The following ACCSL variants were observed in gnomAD, a reference collection of about 807,000 sequenced individuals.
The protein encoded by ACCSL is 1-aminocyclopropane-1-carboxylate synthase homolog (inactive) like, also known as probable inactive 1-aminocyclopropane-1-carboxylate synthase-like protein 2.
A neutral mutation model predicts 61.7 loss-of-function variants in ACCSL; 55 were observed. The ratio of observed to expected loss-of-function variants is 0.89; its 90% CI spans 0.72 to 1.12. ACCSL has a LOEUF of 1.12. Ranked by LOEUF, ACCSL falls within the 50% of genes most tolerant of loss-of-function variation. ACCSL has a pLI of 0.00. For missense variants in ACCSL, 632 were observed against 698.0 expected, an observed-to-expected ratio of 0.91 and a Z score of 1.07; for synonymous variants, 258 against 264.3, an observed-to-expected ratio of 0.98 and a Z score of 0.23.
chr11:43,996,816 T>G, the ACCSL span, among the ~76,000 whole-genome samples: 1 of 3,986 alleles, frequency 2.5e-4, no homozygotes. Flanking sequence ...TTTTTTCCTT[T>G]TTTTTTTTTT....
At chr11:44,029,519 T>C in the ACCSL span, among the ~76,000 whole-genome samples, 1 of 152,206 alleles carries the variant, frequency 6.6e-6, no homozygotes, top group Non-Finnish European at 1.5e-5. Flanking sequence ...ATGAATGAAG[T>C]CCTGGTCAGA....
At chr11:43,984,459 C>T in the ACCSL span, among the ~76,000 whole-genome samples, 5 of 152,148 alleles carry the variant, frequency 3.3e-5, no homozygotes, top group Non-Finnish European at 7.3e-5. Context: ...ACTATGGGAT[C>T]ACACCTCCTC....
At chr11:43,986,177 A>G in the ACCSL span, among the ~76,000 whole-genome samples, 1 of 151,546 alleles carries the variant, frequency 6.6e-6, no homozygotes, top group Non-Finnish European at 1.5e-5. Context: ...CCACCACCTA[A>G]AAGCTCTCTA....
chr11:44,010,058 C>G, the ACCSL span, among the ~76,000 whole-genome samples: 1 of 152,140 alleles, frequency 6.6e-6, no homozygotes, highest in Non-Finnish European at 1.5e-5. Context: ...CGTCACCTCT[C>G]AGCTGTGTGC....
chr11:43,990,295 T>G, the ACCSL span, among the ~76,000 whole-genome samples: 1 of 152,228 alleles, frequency 6.6e-6, no homozygotes, highest in African/African-American at 2.4e-5. Flanking sequence ...CTGGGTAATT[T>G]ATAAATCATA....
At chr11:44,048,681 G>A (rs2134764424) in intron 1 of ACCSL, 141 bp downstream of exon 1, 1 of 882,592 alleles carries the variant, frequency 1.1e-6, no homozygotes, top group Admixed American at 2.6e-5. Flanking sequence ...TTGCAGATAA[G>A]GGAATAATTA....
the ACCSL span, among the ~76,000 whole-genome samples, chr11:44,019,577 C>T: frequency 6.6e-6 from 1 of 152,034 alleles, no homozygotes; most frequent in Non-Finnish European, 1.5e-5. Flanking sequence ...CAATCATTTG[C>T]CCATTTAAAA....
the ACCSL span, chr11:43,974,102 A>G: frequency 6.6e-6 from 1 of 152,258 alleles, no homozygotes; most frequent in Non-Finnish European, 1.5e-5. Flanking sequence ...ATAAATATTT[A>G]TGAATGACTG....
chr11:44,004,352 C>T, the ACCSL span, among the ~76,000 whole-genome samples: 1 of 152,038 alleles, frequency 6.6e-6, no homozygotes, highest in African/African-American at 2.4e-5. Flanking sequence ...GCATACCGCC[C>T]TGGGGGACCA....
intron 6 of ACCSL, 90 bp downstream of exon 6, chr11:44,052,849 C>T (rs990374295): frequency 1.2e-5 from 17 of 1,476,488 alleles, no homozygotes; most frequent in Non-Finnish European, 1.5e-5. Context: ...TGCTTTCTAC[C>T]CATCTAAGTG....
the ACCSL span, among the ~76,000 whole-genome samples, chr11:44,020,294 T>TC: frequency 1.3e-5 from 2 of 152,088 alleles, no homozygotes; most frequent in Admixed American, 6.5e-5. Flanking sequence ...TTTACTCCTT[T>TC]TTTTTCCACA....
upstream of ACCSL, among the ~76,000 whole-genome samples, chr11:44,043,918 GA>G (rs1466565585): frequency 6.6e-6 from 1 of 152,066 alleles, no homozygotes; most frequent in Admixed American, 6.6e-5. Flanking sequence ...TCCTTCAACA[GA>G]AAAGCAATTA....
upstream of ACCSL, among the ~76,000 whole-genome samples, chr11:44,045,487 G>A (rs1294173193): frequency 6.6e-6 from 1 of 152,078 alleles, no homozygotes; most frequent in Non-Finnish European, 1.5e-5. Context: ...TTTTTACCAG[G>A]AAAACGCATT....
At chr11:43,969,952 A>G in the ACCSL span, among the ~76,000 whole-genome samples, 48 of 139,302 alleles carry the variant, frequency 3.4e-4, no homozygotes, top group African/African-American at 1.2e-3. Flanking sequence ...GCTCCTCTCA[A>G]ATAGGTATAG....
At chr11:44,016,642 G>A in the ACCSL span, among the ~76,000 whole-genome samples, 1 of 152,128 alleles carries the variant, frequency 6.6e-6, no homozygotes, top group Non-Finnish European at 1.5e-5. Flanking sequence ...TTGAAGGGTG[G>A]TTGGACCAAG....
chr11:44,038,137 G>A, the ACCSL span, among the ~76,000 whole-genome samples: 1 of 152,150 alleles, frequency 6.6e-6, no homozygotes, highest in East Asian at 1.9e-4. Context: ...AAGGTGGGAT[G>A]GAGGAGGGGG....
chr11:44,059,870 CAGA>C lies in ACCSL; in HGVS notation c.1660_1662del (p.Lys554del), dbSNP rs752418564. On this transcript the variant is annotated inframe_deletion, in exon 14 of 14. Transcript: ENST00000378832. ...TCGGTTCTGTGATGTGCTGCAGGAG[CAGA>C]AGGAGGCTTTGATAGTGAAGCAGTT... 1.2e-5 allele frequency: 20 copies of C among 1,613,748 alleles called. No homozygotes were observed. Among genetic ancestry groups the C allele is most frequent in the Non-Finnish European group, 1.6e-5 (19 of 1,179,862 alleles).
chr11:43,952,834 TA>T, the ACCSL span, among the ~76,000 whole-genome samples: 1 of 152,130 alleles, frequency 6.6e-6, no homozygotes, highest in Non-Finnish European at 1.5e-5. Flanking sequence ...CCAGAGCATT[TA>T]ATAGTCACTT....
Position 44,050,748 on chromosome 11 carries a change from A to G in ACCSL, c.635+126A>G, listed in dbSNP as rs1301027129. 7 of 804,938 alleles carry G rather than the reference A, an allele frequency of 8.7e-6. No homozygotes were observed. In the Admixed American group the frequency reaches 1.8e-4, roughly 21 times the overall value. The allele number at this position is 804,938 out of a possible 1,614,324, so 49.9% of individuals were successfully genotyped here. ...ATCTCTTTGGGTAATAACTTCTAGA[A>G]AATGCCTAGAGCAAAACTTCATCAG... On this transcript the variant is annotated intron_variant, in intron 3 of 13. Coordinates refer to ENST00000378832, the MANE Select transcript of ACCSL (RefSeq NM_001031854.2).
Sources: allele counts gnomAD v4.1 joint callset (sites outside exome capture counted in the v4.1 genomes callset), GRCh38; gene constraint gnomAD v4.1.1; transcripts MANE v1.5; gene names NCBI Gene and HGNC (gene_info 2026-07-23, HGNC 2026-07-21).